The following WDR27 variants were observed in gnomAD, a reference collection of about 807,000 sequenced individuals.
The protein encoded by WDR27 is WD repeat domain 27, also known as WD repeat-containing protein 27.
Under a neutral mutation model 114.4 loss-of-function variants are expected in WDR27, and 100 were observed. That is an observed-to-expected ratio of 0.87 (90% CI 0.74 to 1.03). The LOEUF (loss-of-function observed/expected upper bound fraction) is 1.03. Among genes scored for constraint, WDR27 ranks in the 50% least tolerant of loss-of-function variants. WDR27 has a pLI of 0.00. For missense variants in WDR27, 1,129 were observed against 1,092.9 expected, an observed-to-expected ratio of 1.03 and a Z score of -0.47; for synonymous variants, 449 against 423.1, an observed-to-expected ratio of 1.06 and a Z score of -0.75.
At chr6:169,513,511 T>G (rs1490815875) in intron 25 of WDR27, among the ~76,000 whole-genome samples, 2 of 152,128 alleles carry the variant, frequency 1.3e-5, no homozygotes, top group Non-Finnish European at 2.9e-5. Flanking sequence ...TGGGGAGTTG[T>G]ATAAACTGAA....
chr6:169,687,073 A>G (rs1783177149), intron 2 of WDR27, among the ~76,000 whole-genome samples: 1 of 152,180 alleles, frequency 6.6e-6, no homozygotes. Context: ...ATTCAAGAGT[A>G]CAGTAGGAAA....
chr6:169,636,468 G>A lies in WDR27; in HGVS notation c.1906C>T (p.Gln636Ter), dbSNP rs779591866. The A allele has an allele frequency of 1.2e-6, 2 of 1,613,724 alleles. No individual in the cohort carries two copies. Among genetic ancestry groups the A allele is most frequent in the Non-Finnish European group, 8.5e-7 (1 of 1,179,758 alleles). Residue 636 changes from glutamine (Q) to a stop codon, truncating the protein, a stop_gained, in exon 19 of 26, where the codon CAG (glutamine) becomes TAG (stop). Coordinates refer to ENST00000448612, the MANE Select transcript of WDR27 (RefSeq NM_182552.5). LOFTEE classifies it high-confidence loss of function. ...ATAAAGGCATCTATATAATAGAACT[G>A]TGCAGACTGTATAGGTTTAGAAAAC... ...DMFSKPIQSAQFYYIDAFILL... is the reference protein window; with the variant it reads ...DMFSKPIQSA
At position 169,633,046 on chromosome 6, in the gene WDR27, C is replaced by T. The variant is rs1467033876; in HGVS notation, c.2124G>A (p.Arg708=). ...FYSHIVLAAG[R]NRTVEVFDLN... ...GGTCAAACACTTCCACGGTCCTGTT[C>T]CGGCCAGCTGCGAGTACGATGTCTG... Residue 708 remains arginine, a synonymous_variant, in exon 21 of 26, where the codon CGG becomes CGA. Transcript: ENST00000448612. 2 of 1,589,498 alleles carry T rather than the reference C, an allele frequency of 1.3e-6. No homozygotes were observed. The highest frequency in any genetic ancestry group is 2.7e-5 in the African/African-American group (2 of 74,586).
intron 25 of WDR27, among the ~76,000 whole-genome samples, chr6:169,563,790 C>T (rs1800017172): frequency 6.6e-6 from 1 of 152,168 alleles, no homozygotes; most frequent in Non-Finnish European, 1.5e-5. Flanking sequence ...GAGCCCACAC[C>T]TGAAGGGGGA....
Position 169,684,643 on chromosome 6 carries a change from G to C in WDR27, c.189+4174C>G, listed in dbSNP as rs1782442423. Among the ~76,000 whole-genome samples, 3 of 152,332 alleles carry C rather than the reference G, an allele frequency of 2.0e-5. No homozygotes were observed. In the South Asian group the frequency reaches 6.2e-4, roughly 32 times the overall value. On this transcript the variant is annotated intron_variant, in intron 2 of 25. Transcript: ENST00000448612. The surrounding 1 kb of genome is among the most constrained non-coding windows in gnomAD (Gnocchi z 4.3). ...CATAAGCTGTGTGACTATGTCCTGGGACTGAGAAGCAGTCCTGTGGGTTTC... is the reference window on the plus strand; with the variant it reads ...CATAAGCTGTGTGACTATGTCCTGGCACTGAGAAGCAGTCCTGTGGGTTTC...
chr6:169,514,912 A>G (rs1267228287), intron 25 of WDR27, among the ~76,000 whole-genome samples: 4 of 151,998 alleles, frequency 2.6e-5, no homozygotes, highest in Admixed American at 6.6e-5. Context: ...TTTTATTTTA[A>G]AAATAAATCT....
intron 14 of WDR27, among the ~76,000 whole-genome samples, chr6:169,650,098 C>T (rs1310938490): frequency 6.7e-6 from 1 of 149,692 alleles, no homozygotes; most frequent in Non-Finnish European, 1.5e-5. Flanking sequence ...CTCTGCATCC[C>T]TCCTTCCCCT....
intron 22 of WDR27, among the ~76,000 whole-genome samples, chr6:169,611,402 T>C (rs1258898907): frequency 6.7e-6 from 1 of 149,056 alleles, no homozygotes; most frequent in Non-Finnish European, 1.5e-5. Flanking sequence ...GCCTCCTGAG[T>C]TCAAGTGATT....
chr6:169,668,880 T>G (rs1346118214), intron 4 of WDR27: 2 of 152,282 alleles, frequency 1.3e-5, no homozygotes, highest in African/African-American at 4.8e-5. Context: ...AAGACTTTCT[T>G]TAGTAATACG....
chr6:169,669,031 T>C (rs1828663033), intron 4 of WDR27, among the ~76,000 whole-genome samples: 1 of 152,236 alleles, frequency 6.6e-6, no homozygotes. Context: ...GAAATATACA[T>C]TTCCATTTTC....
intron 25 of WDR27, among the ~76,000 whole-genome samples, chr6:169,570,640 C>T (rs939003129): frequency 2.0e-5 from 3 of 152,258 alleles, no homozygotes; most frequent in Admixed American, 2.0e-4. Flanking sequence ...ACTATCCTGG[C>T]CAACATAGTG....
chr6:169,520,890 C>T (rs2902928), intron 25 of WDR27, among the ~76,000 whole-genome samples: 135,223 of 152,096 alleles, frequency 0.89, 61,108 homozygotes, highest in Non-Finnish European at 0.94. Flanking sequence ...ACATGGAAAA[C>T]TACCTCAAAA....
At position 169,578,646 on chromosome 6, in the gene WDR27, C is replaced by T. The variant is rs1802859324; in HGVS notation, c.2523+4190G>A. Among the ~76,000 whole-genome samples, 4 of 152,142 alleles carry T rather than the reference C, an allele frequency of 2.6e-5. No individual in the cohort carries two copies. In the South Asian group the frequency reaches 8.3e-4, roughly 31 times the overall value. On this transcript the variant is annotated intron_variant, in intron 24 of 25. Coordinates refer to ENST00000448612, the MANE Select transcript of WDR27 (RefSeq NM_182552.5). ...TATAAATTGATCTGTCTGGATCACTCATCTGAGACACAGCTGCACTAACAT... is the reference window on the plus strand; with the variant it reads ...TATAAATTGATCTGTCTGGATCACTTATCTGAGACACAGCTGCACTAACAT...
intron 9 of WDR27, among the ~76,000 whole-genome samples, chr6:169,661,943 G>A (rs188689297): frequency 1.3e-5 from 2 of 152,206 alleles, no homozygotes; most frequent in African/African-American, 4.8e-5. Flanking sequence ...AAATTAGTCT[G>A]GGGTTAACTT....
In WDR27 at chr6:169,672,415, A is replaced by C. The variant is rs1167804618; in HGVS notation, c.190-19T>G. 1.3e-6 allele frequency: 2 copies of C among 1,570,278 alleles called. No homozygotes were observed. Among genetic ancestry groups the C allele is most frequent in the Non-Finnish European group, 1.7e-6 (2 of 1,157,518 alleles). On this transcript the variant is annotated intron_variant, in intron 2 of 25. Transcript: ENST00000448612. ...TTAGAAGCTGGGAAAATTAACAAAA[A>C]TAAAACACAGATCACAGACATTTAA...
chr6:169,586,666 T>C (rs1444212434), intron 23 of WDR27, among the ~76,000 whole-genome samples: 1 of 151,838 alleles, frequency 6.6e-6, no homozygotes, highest in Non-Finnish European at 1.5e-5. Context: ...CTTGCCAACA[T>C]GGTGAAACCC....
chr6:169,465,221 G>A (rs1785401662), intron 25 of WDR27, among the ~76,000 whole-genome samples: 1 of 135,526 alleles, frequency 7.4e-6, no homozygotes. Context: ...TTGCACCATT[G>A]CACTCCAGCC....
chr6:169,661,880 T>C (rs1826218751), intron 9 of WDR27, among the ~76,000 whole-genome samples: 1 of 152,214 alleles, frequency 6.6e-6, no homozygotes, highest in Non-Finnish European at 1.5e-5. Context: ...AAACAGTACT[T>C]CCTTATGTTG....
intron 2 of WDR27, 84 bp downstream of exon 2, chr6:169,688,733 G>T: frequency 1.0e-6 from 1 of 981,784 alleles, no homozygotes; most frequent in Non-Finnish European, 1.4e-6. Flanking sequence ...ATCCACAGAG[G>T]GTAATGCTGT....
Sources: gnomAD v4.1 joint callset for allele counts (sites outside exome capture counted in the v4.1 genomes callset) on GRCh38, gnomAD v4.1.1 for gene constraint, Gnocchi (gnomAD v3.1) non-coding constraint, MANE v1.5 for transcripts, NCBI Gene and HGNC (gene_info 2026-07-23, HGNC 2026-07-21) for gene names.